Variants in ZNF669 observed in about 807,000 individuals in gnomAD.
ZNF669 encodes zinc finger protein 669.
In ZNF669, 7 loss-of-function variants were observed where a neutral mutation model predicts 11.4. The observed-to-expected ratio is 0.62, with a 90% CI of 0.35 to 1.16. ZNF669 has a LOEUF of 1.16. Among genes scored for constraint, ZNF669 ranks in the 50% most tolerant of loss-of-function variants. ZNF669 has a pLI of 0.02. For missense variants in ZNF669, 492 were observed against 463.6 expected (o/e 1.06, Z -0.56); for synonymous variants, 153 against 155.8 (o/e 0.98, Z 0.13).
chr1:247,102,088 G>A lies in ZNF669; in HGVS notation c.29C>T (p.Ala10Val). 8 of 1,610,304 alleles carry A rather than the reference G, an allele frequency of 5.0e-6. No homozygotes were observed. The highest frequency in any genetic ancestry group is 6.8e-6 in the Non-Finnish European group (8 of 1,178,448). Residue 10 changes from alanine to valine, a missense_variant, in exon 2 of 4, where the codon GCT becomes GTT. Physicochemically the swap from Ala to Val is moderately conservative, Grantham distance 64 (BLOSUM62 0). Coordinates refer to ENST00000448299, the MANE Select transcript of ZNF669 (RefSeq NM_001142572.2). MDSVAFEDV[A>V]VNFTQEEWAL... ...CCATTCCTCCTGGGTAAAGTTCACA[G>A]CCACATCCTCAAAAGCCACCGAGTC...
In ZNF669 at chr1:247,100,401, C is replaced by T; in HGVS notation, c.1110G>A (p.Leu370=). ...CSDSAYNPST[L]GGQGVWIA is the part of the protein sequence containing the mutation. ...AAGCAATCCACACGCCTTGGCCTCCCAAAGTGCTGGGATTATAGGCTGAGT... is the reference window on the plus strand; with the variant it reads ...AAGCAATCCACACGCCTTGGCCTCCTAAAGTGCTGGGATTATAGGCTGAGT... Residue 370 remains leucine, a synonymous_variant, in exon 4 of 4, where the codon TTG becomes TTA. Coordinates refer to ENST00000448299, the MANE Select transcript of ZNF669 (RefSeq NM_001142572.2). The T allele has an allele frequency of 6.2e-7, 1 of 1,611,354 alleles. No homozygotes were observed.
Position 247,101,170 on chromosome 1 carries a change from C to T in ZNF669, c.341G>A (p.Arg114His), listed in dbSNP as rs766525118. 9 of 1,613,940 alleles carry T rather than the reference C, an allele frequency of 5.6e-6. No individual in the cohort carries two copies. The African/African-American group carries it at 6.7e-5, about 12-fold the overall frequency. ...ECSICGKVFVRHSLLNRHILA... is the reference protein window; with the variant it reads ...ECSICGKVFVHHSLLNRHILA... The stretch of plus-strand genomic sequence containing the variant: ...GATATGCCTATTAAGGAGGGAATGA[C>T]GTACAAAGACTTTTCCACAAATACT... The change falls in exon 4 of 4, where the codon CGT becomes CAT. Residue 114 changes from arginine to histidine, a missense_variant. Transcript: ENST00000448299.
At position 247,101,718 on chromosome 1, in the gene ZNF669, C is replaced by G. The variant is rs1558358632; in HGVS notation, c.191+13G>C. The stretch of plus-strand genomic sequence containing the variant: ...TTCAGAGGACTTTATTTCCTCTGCT[C>G]AGTGCAAATTACCTTATATCTTTCC... On this transcript the variant is annotated intron_variant, in intron 3 of 3. Coordinates refer to ENST00000448299, the MANE Select transcript of ZNF669 (RefSeq NM_001142572.2). 1 of 1,612,358 alleles carries G rather than the reference C, an allele frequency of 6.2e-7. No homozygotes were observed. The highest frequency in any genetic ancestry group is 8.5e-7 in the Non-Finnish European group (1 of 1,179,064).
In ZNF669 at chr1:247,101,029, T is replaced by A. The variant is rs770495322; in HGVS notation, c.482A>T (p.Asn161Ile). 6.2e-7 allele frequency: 1 copy of A among 1,613,834 alleles called. No homozygotes were observed. Among genetic ancestry groups the A allele is most frequent in the East Asian group, 2.2e-5 (1 of 44,872 alleles). ...ACATATCGTACATTTATAAGCTGGA[T>A]TTCCACTGTGCATTATCATGTGTCT... ...VRRHMIMHSG[N>I]PAYKCTICGK... Residue 161 changes from asparagine to isoleucine, a missense_variant, in exon 4 of 4, where the codon AAT (asparagine) becomes ATT (isoleucine). By Grantham distance (149) the Asn-to-Ile change is moderately radical (BLOSUM62 -3). Coordinates refer to ENST00000448299, the MANE Select transcript of ZNF669 (RefSeq NM_001142572.2).
chr1:247,103,968 A>C, intron 1 of ZNF669: 4 of 1,604,478 alleles, frequency 2.5e-6, no homozygotes, highest in Non-Finnish European at 3.4e-6. Flanking sequence ...GGTTCCCGAC[A>C]GGGCTCCGGC....
intron 1 of ZNF669, among the ~76,000 whole-genome samples, chr1:247,102,441 CA>C (rs1485218645): frequency 5.9e-5 from 9 of 152,196 alleles, no homozygotes; most frequent in Admixed American, 2.6e-4. Flanking sequence ...ACCTGATGTG[CA>C]TAAGTGAGTT....
Position 247,102,065 on chromosome 1 carries a change from A to C in ZNF669, c.52T>G (p.Trp18Gly). 6.2e-7 allele frequency: 1 copy of C among 1,613,240 alleles called. No individual in the cohort carries two copies. The highest frequency in any genetic ancestry group is 8.5e-7 in the Non-Finnish European group (1 of 1,179,592). Residue 18 changes from tryptophan (W) to glycine (G), a missense_variant, in exon 2 of 4, where the codon TGG (tryptophan) becomes GGG (glycine). Physicochemically the swap from Trp to Gly is radical, Grantham distance 184. Transcript: ENST00000448299. Reference protein sequence around the residue: ...DVAVNFTQEEWALLDSSQKNL... With the variant: ...DVAVNFTQEEGALLDSSQKNL... ...TTCTGAGAAGAATCTAGCAAAGCCC[A>C]TTCCTCCTGGGTAAAGTTCACAGCC...
chr1:247,101,792 C>T lies in ZNF669; in HGVS notation c.131-1G>A. 1.9e-6 allele frequency: 3 copies of T among 1,613,296 alleles called. No homozygotes were observed. Among genetic ancestry groups the T allele is most frequent in the Non-Finnish European group, 2.5e-6 (3 of 1,179,782 alleles). The stretch of plus-strand genomic sequence containing the variant: ...ATATTCTGGTCTTTCCATTGGCTTC[C>T]TAAAATGCAGACCCATAAAATTATC... On this transcript the variant is annotated splice_acceptor_variant, in intron 2 of 3. Transcript: ENST00000448299. LOFTEE classifies it high-confidence loss of function.
chr1:247,104,183 C>G lies in ZNF669; in HGVS notation c.3+14G>C. 4 of 1,531,138 alleles carry G rather than the reference C, an allele frequency of 2.6e-6. No individual in the cohort carries two copies. Among genetic ancestry groups the G allele is most frequent in the Non-Finnish European group, 3.5e-6 (4 of 1,140,504 alleles). The allele number at this position is 1,531,138 out of a possible 1,614,324, so 94.8% of individuals were successfully genotyped here. ...CTCTTCTCCACTTCGGGAAGCCAGG[C>G]GCAGTCCACTCACCATTCCTCGGCT... On this transcript the variant is annotated intron_variant, in intron 1 of 3. Coordinates refer to ENST00000448299, the MANE Select transcript of ZNF669 (RefSeq NM_001142572.2).
Position 247,100,907 on chromosome 1 carries a change from T to A in ZNF669, c.604A>T (p.Thr202Ser). Residue 202 changes from threonine (T) to serine (S), a missense_variant, in exon 4 of 4, where the codon ACT becomes TCT. Physicochemically the swap from Thr to Ser is moderately conservative, Grantham distance 58 (BLOSUM62 1). Transcript: ENST00000448299. Reference sequence around the variant, plus strand: ...TGTATTAGACAAGAACCGGAAACAGTGAATGCTTTACCACATTGTTTACAT... The same window carrying A: ...TGTATTAGACAAGAACCGGAAACAGAGAATGCTTTACCACATTGTTTACAT... ...YKCKQCGKAF[T>S]VSGSCLIHER... The A allele has an allele frequency of 6.2e-7, 1 of 1,614,116 alleles. No individual in the cohort carries two copies. Among genetic ancestry groups the A allele is most frequent in the Non-Finnish European group, 8.5e-7 (1 of 1,180,040 alleles).
chr1:247,101,639 G>T, intron 3 of ZNF669, 92 bp downstream of exon 3: 2 of 1,217,098 alleles, frequency 1.6e-6, no homozygotes, highest in South Asian at 1.4e-5. Context: ...AATTTCAAGT[G>T]ACTCTTATTT....
intron 3 of ZNF669, 25 bp downstream of exon 3, chr1:247,101,706 A>T: frequency 6.2e-7 from 1 of 1,601,504 alleles, no homozygotes; most frequent in Non-Finnish European, 8.5e-7. Context: ...AGAGGACTTT[A>T]TTTCCTCTGC....
intron 1 of ZNF669, chr1:247,103,989 G>A (rs1671786156): frequency 6.2e-7 from 1 of 1,603,100 alleles, no homozygotes; most frequent in African/African-American, 1.3e-5. Context: ...CGGCGGAAGT[G>A]GCGCCCGCAG....
Position 247,101,761 on chromosome 1 carries a change from T to A in ZNF669, c.161A>T (p.Asp54Val). The change falls in exon 3 of 4, where the codon GAT becomes GTT. Residue 54 changes from aspartate to valine, a missense_variant. Physicochemically the swap from Asp to Val is radical, Grantham distance 152. Coordinates refer to ENST00000448299, the MANE Select transcript of ZNF669 (RefSeq NM_001142572.2). The part of the protein sequence containing the change: ...GSQWKDQNIE[D>V]HFEKPGKDIR... Reference sequence around the variant, plus strand: ...ATCTTTCCCAGGTTTTTCGAAGTGATCTTCAATATTCTGGTCTTTCCATTG... The same window carrying A: ...ATCTTTCCCAGGTTTTTCGAAGTGAACTTCAATATTCTGGTCTTTCCATTG... The A allele has an allele frequency of 6.2e-7, 1 of 1,614,084 alleles. No individual in the cohort carries two copies.
rs1156359371 is a variant in ZNF669 at position 247,100,827 on chromosome 1, T to A, written c.684A>T (p.Thr228=). 6.2e-7 allele frequency: 1 copy of A among 1,613,994 alleles called. No homozygotes were observed. Among genetic ancestry groups the A allele is most frequent in the African/African-American group, 1.3e-5 (1 of 75,030 alleles). The change falls in exon 4 of 4, where the codon ACA becomes ACT. Residue 228 remains threonine (T), a synonymous_variant. Coordinates refer to ENST00000448299, the MANE Select transcript of ZNF669 (RefSeq NM_001142572.2). ...TCTTAAAAGAACAAGAAAATCTGAA[T>A]GTTTTCCCACATTCCTTACATTCGT... ...KPYECKECGK[T]FRFSCSFKTH... is the part of the protein sequence containing the mutation.
chr1:247,102,965 T>C (rs901523117), intron 1 of ZNF669, among the ~76,000 whole-genome samples: 1 of 152,264 alleles, frequency 6.6e-6, no homozygotes, highest in African/African-American at 2.4e-5. Context: ...CCAGATGCTA[T>C]TCCTGTGAAA....
Position 247,101,091 on chromosome 1 carries a change from C to T in ZNF669, c.420G>A (p.Gln140=), listed in dbSNP as rs780473096. 1.9e-6 allele frequency: 3 copies of T among 1,614,074 alleles called. No individual in the cohort carries two copies. In the South Asian group the frequency reaches 3.3e-5, roughly 18 times the overall value. ...PYGEKQYKCE[Q]CGKFFVSVPG... Reference sequence around the variant, plus strand: ...GAACAGAAACGAAGAATTTCCCACACTGTTCACATTTATATTGCTTCTCTC... The same window carrying T: ...GAACAGAAACGAAGAATTTCCCACATTGTTCACATTTATATTGCTTCTCTC... Residue 140 remains glutamine, a synonymous_variant, in exon 4 of 4, where the codon CAG becomes CAA. Transcript: ENST00000448299.
rs772997024 is a variant in ZNF669, at chr1:247,100,396, C to A, written c.1115G>T (p.Gly372Val). ...DSAYNPSTLG[G>V]QGVWIA ...GGCTCAAGCAATCCACACGCCTTGG[C>A]CTCCCAAAGTGCTGGGATTATAGGC... The change falls in exon 4 of 4, where the codon GGC becomes GTC. Residue 372 changes from glycine (G) to valine (V), a missense_variant. By Grantham distance (109) the Gly-to-Val change is moderately radical. Transcript: ENST00000448299. 1.1e-5 allele frequency: 18 copies of A among 1,606,058 alleles called. No homozygotes were observed. In the East Asian group the frequency reaches 2.5e-4, roughly 22 times the overall value.
chr1:247,104,348 A>AG lies in ZNF669; in HGVS notation c.-150dup. On this transcript the variant is annotated 5_prime_UTR_variant, in exon 1 of 4. Transcript: ENST00000448299. ...TAACAGGAAGAGCCGGCTCCGGCGA[A>AG]GGAGAGACAAAGCAACCGCCAGGCA... 1.7e-6 allele frequency: 2 copies of AG among 1,178,376 alleles called. No homozygotes were observed. Among genetic ancestry groups the AG allele is most frequent in the Non-Finnish European group, 2.2e-6 (2 of 892,784 alleles). The allele number at this position is 1,178,376 out of a possible 1,614,324, so 73.0% of individuals were successfully genotyped here.
Sources: allele counts gnomAD v4.1 joint callset (sites outside exome capture counted in the v4.1 genomes callset), GRCh38; gene constraint gnomAD v4.1.1; transcripts MANE v1.5; gene names NCBI Gene and HGNC (gene_info 2026-07-23, HGNC 2026-07-21).